The following TNFRSF1B variants were observed in gnomAD, a reference collection of about 807,000 sequenced individuals.
The protein encoded by TNFRSF1B is tumor necrosis factor receptor superfamily member 1B.
Under a neutral mutation model 44.6 loss-of-function variants are expected in TNFRSF1B, and 19 were observed. The ratio of observed to expected loss-of-function variants is 0.43; its 90% CI spans 0.30 to 0.62. TNFRSF1B has a LOEUF of 0.62. Among genes scored for constraint, TNFRSF1B ranks in the 20% least tolerant of loss-of-function variants. The probability of loss-of-function intolerance (pLI) is 0.16; values close to 1 mark genes in which losing one functional copy is unlikely to be tolerated. For missense variants in TNFRSF1B, 541 were observed against 619.9 expected, an observed-to-expected ratio of 0.87 and a Z score of 1.35; for synonymous variants, 252 against 261.1, an observed-to-expected ratio of 0.97 and a Z score of 0.34.
chr1:12,196,210 A>G (rs1051797679), intron 8 of TNFRSF1B, among the ~76,000 whole-genome samples: 2 of 152,178 alleles, frequency 1.3e-5, no homozygotes, highest in South Asian at 4.1e-4. Flanking sequence ...CTGAGGCAGG[A>G]GAGTCGCTTG....
intron 4 of TNFRSF1B, 100 bp from the exon 5 acceptor site, chr1:12,192,331 C>G (rs1639162700): frequency 4.1e-6 from 4 of 975,914 alleles, no homozygotes; most frequent in Non-Finnish European, 6.5e-6. Context: ...GCAGACAGAG[C>G]TCCTTGGGCC....
At chr1:12,192,568 T>C in intron 5 of TNFRSF1B, 44 bp downstream of exon 5, 3 of 1,559,824 alleles carry the variant, frequency 1.9e-6, no homozygotes, top group South Asian at 1.1e-5. Flanking sequence ...AGGGAGGGGC[T>C]GTCCCTGGGT....
chr1:12,200,178 G>A (rs1639355371), intron 8 of TNFRSF1B, among the ~76,000 whole-genome samples: 1 of 152,132 alleles, frequency 6.6e-6, no homozygotes, highest in African/African-American at 2.4e-5. Context: ...ATAACACTGG[G>A]TTGTTGGAAG....
chr1:12,197,523 C>T (rs535617066), intron 8 of TNFRSF1B, among the ~76,000 whole-genome samples: 1 of 152,208 alleles, frequency 6.6e-6, no homozygotes, highest in East Asian at 1.9e-4. Flanking sequence ...TGAGTCCCCA[C>T]GCATCCCTGT....
chr1:12,182,188 G>A (rs1638826919), intron 1 of TNFRSF1B, among the ~76,000 whole-genome samples: 1 of 152,190 alleles, frequency 6.6e-6, no homozygotes, highest in Non-Finnish European at 1.5e-5. Context: ...ATAACAATAG[G>A]ACTGGCCTCA....
At chr1:12,193,249 TC>T in intron 6 of TNFRSF1B, 151 bp downstream of exon 6, 1 of 740,074 alleles carries the variant, frequency 1.4e-6, no homozygotes, top group African/African-American at 1.7e-5. Context: ...GACTGCTTTC[TC>T]CCCACACCTG....
At chr1:12,175,583 G>C (rs1244484197) in intron 1 of TNFRSF1B, among the ~76,000 whole-genome samples, 2 of 152,056 alleles carry the variant, frequency 1.3e-5, no homozygotes, top group Non-Finnish European at 2.9e-5. Flanking sequence ...CCAGGCTCCT[G>C]TGGCCCCATC....
intron 8 of TNFRSF1B, among the ~76,000 whole-genome samples, chr1:12,198,431 C>T (rs1426363848): frequency 6.6e-6 from 1 of 152,148 alleles, no homozygotes; most frequent in Non-Finnish European, 1.5e-5. Context: ...CTCCTCGCCA[C>T]CCCAGCGCAC....
In TNFRSF1B at chr1:12,171,390, G is replaced by A. The variant is rs1401530664; in HGVS notation, c.78+4221G>A. On this transcript the variant is annotated intron_variant, in intron 1 of 9. Coordinates refer to ENST00000376259, the MANE Select transcript of TNFRSF1B (RefSeq NM_001066.3). This position sits in a 1 kb window ranked among gnomAD's most constrained non-coding sequence, Gnocchi z 4.5. ...CACCTGCTCCAGGGCCTTTGCACTTGCTTTCCCCATCACCTCCAATACTCC... is the reference window on the plus strand; with the variant it reads ...CACCTGCTCCAGGGCCTTTGCACTTACTTTCCCCATCACCTCCAATACTCC... 6.6e-6 allele frequency among the ~76,000 whole-genome samples: 1 copy of A among 152,138 alleles called. No homozygotes were observed. The highest frequency in any genetic ancestry group is 1.5e-5 in the Non-Finnish European group (1 of 68,028).
chr1:12,192,769 C>A, intron 5 of TNFRSF1B, 94 bp from the exon 6 acceptor site: 1 of 1,139,538 alleles, frequency 8.8e-7, no homozygotes, highest in Admixed American at 2.0e-5. Flanking sequence ...CATCGTCACT[C>A]TCCTATCCTG....
chr1:12,185,246 A>G (rs1322238984), intron 1 of TNFRSF1B, among the ~76,000 whole-genome samples: 1 of 152,120 alleles, frequency 6.6e-6, no homozygotes, highest in African/African-American at 2.4e-5. Context: ...TCAATCCAGG[A>G]GGCCGGATGA....
At chr1:12,181,631 C>T (rs986036137) in intron 1 of TNFRSF1B, among the ~76,000 whole-genome samples, 3 of 152,170 alleles carry the variant, frequency 2.0e-5, no homozygotes, top group Non-Finnish European at 4.4e-5. Context: ...TCTACAAGGC[C>T]GGTGTCCAGC....
chr1:12,203,677 G>T (rs235223), intron 9 of TNFRSF1B, among the ~76,000 whole-genome samples: 1 of 152,200 alleles, frequency 6.6e-6, no homozygotes, highest in Non-Finnish European at 1.5e-5. Context: ...GAATGAGTGC[G>T]CTCCAATTAT....
rs531630710 is a variant in TNFRSF1B, at chr1:12,196,963, T to C, written c.900+2345T>C. ...CCATTTTTTTTTTCTTTCTTTCTTT[T>C]TTTTTTTTTGAGACAGCTATGTCGC... On this transcript the variant is annotated intron_variant, in intron 8 of 9. Transcript: ENST00000376259. Among the ~76,000 whole-genome samples, 367 of 151,986 alleles carry C rather than the reference T, an allele frequency of 2.4e-3. 1 individual carries two copies. Among genetic ancestry groups the C allele is most frequent in the Middle Eastern group, 3.4e-3 (1 of 294 alleles).
rs1030621786 is a variant in TNFRSF1B at position 12,180,508 on chromosome 1, C to T, written c.79-8288C>T. Among the ~76,000 whole-genome samples, 2 of 152,296 alleles carry T rather than the reference C, an allele frequency of 1.3e-5. No homozygotes were observed. Among genetic ancestry groups the T allele is most frequent in the African/African-American group, 4.8e-5 (2 of 41,556 alleles). On this transcript the variant is annotated intron_variant, in intron 1 of 9. Coordinates refer to ENST00000376259, the MANE Select transcript of TNFRSF1B (RefSeq NM_001066.3). The surrounding 1 kb of genome is among the most constrained non-coding windows in gnomAD (Gnocchi z 4.3). ...AGGACAAGCAGCAAGTCAGTTGACCCGGGGTTGCTCAATTCCCCAAGAGCT... is the reference window on the plus strand; with the variant it reads ...AGGACAAGCAGCAAGTCAGTTGACCTGGGGTTGCTCAATTCCCCAAGAGCT...
At position 12,177,204 on chromosome 1, in the gene TNFRSF1B, G is replaced by A. The variant is rs1638679248; in HGVS notation, c.78+10035G>A. ...TTTTTTTTAGTAGAGATGGTGTTTC[G>A]CCATGTTGGCCCGGCTGGTCTTGAA... On this transcript the variant is annotated intron_variant, in intron 1 of 9. Transcript: ENST00000376259. This position sits in a 1 kb window ranked among gnomAD's most constrained non-coding sequence, Gnocchi z 4.3. 2.0e-5 allele frequency among the ~76,000 whole-genome samples: 3 copies of A among 152,088 alleles called. No homozygotes were observed. The highest frequency in any genetic ancestry group is 2.1e-4 in the South Asian group (1 of 4,818).
chr1:12,196,950 TC>T (rs1274107509), intron 8 of TNFRSF1B, among the ~76,000 whole-genome samples: 4 of 150,740 alleles, frequency 2.7e-5, no homozygotes, highest in African/African-American at 9.9e-5. Flanking sequence ...ATTTTTTTTT[TC>T]TTTCTTTCTT....
chr1:12,192,021 C>A, intron 4 of TNFRSF1B, 98 bp downstream of exon 4: 2 of 1,474,578 alleles, frequency 1.4e-6, no homozygotes, highest in African/African-American at 1.4e-5. Context: ...ATTAGTCCAG[C>A]AGGGAGCACT....
At chr1:12,198,872 A>G (rs1639329125) in intron 8 of TNFRSF1B, among the ~76,000 whole-genome samples, 2 of 151,628 alleles carry the variant, frequency 1.3e-5, no homozygotes, top group Admixed American at 6.6e-5. Flanking sequence ...TTGTATTTTT[A>G]GTAGAGACGG....
Sources: allele counts gnomAD v4.1 joint callset (sites outside exome capture counted in the v4.1 genomes callset), GRCh38; gene constraint gnomAD v4.1.1; non-coding constraint Gnocchi (gnomAD v3.1); transcripts MANE v1.5; gene names NCBI Gene and HGNC (gene_info 2026-07-23, HGNC 2026-07-21).